STK17A: variants seen among roughly 807,000 people sequenced by gnomAD.
STK17A encodes the protein serine/threonine kinase 17a.
In STK17A, 26 loss-of-function variants were observed where a neutral mutation model predicts 43.7. The observed-to-expected ratio is 0.60, with a 90% CI of 0.44 to 0.83. The LOEUF is 0.83. Among genes scored for constraint, STK17A ranks in the 40% least tolerant of loss-of-function variants. The probability of loss-of-function intolerance (pLI) is 0.00; values close to 1 mark genes in which losing one functional copy is unlikely to be tolerated. For missense variants in STK17A, 476 were observed against 511.6 expected (o/e 0.93, Z 0.67); for synonymous variants, 191 against 182.5 (o/e 1.05, Z -0.38).
chr7:43,587,218 G>A (rs977966584), intron 1 of STK17A, among the ~76,000 whole-genome samples: 11 of 140,806 alleles, frequency 7.8e-5, no homozygotes, highest in Admixed American at 1.5e-4. Context: ...GCAGTGGCGC[G>A]ATCTCAGCTC....
intron 1 of STK17A, 137 bp downstream of exon 1, chr7:43,583,586 C>A: frequency 1.2e-6 from 1 of 805,830 alleles, no homozygotes; most frequent in Non-Finnish European, 1.7e-6. Context: ...TGACTTGGCA[C>A]AAACTTGGGT....
intron 1 of STK17A, among the ~76,000 whole-genome samples, chr7:43,587,505 A>G (rs936805530): frequency 2.6e-5 from 4 of 151,340 alleles, no homozygotes; most frequent in African/African-American, 9.7e-5. Context: ...GAGGATTTTT[A>G]TCAGAGAATA....
At chr7:43,587,380 A>G (rs2082451025) in intron 1 of STK17A, among the ~76,000 whole-genome samples, 1 of 151,238 alleles carries the variant, frequency 6.6e-6, no homozygotes, top group Admixed American at 6.6e-5. Context: ...CTACATTGGA[A>G]CAAACATGAC....
At chr7:43,600,607 T>C (rs139646391) in intron 2 of STK17A, among the ~76,000 whole-genome samples, 62 of 152,364 alleles carry the variant, frequency 4.1e-4, no homozygotes, top group African/African-American at 1.4e-3. Flanking sequence ...TTTCCACCTA[T>C]CAAACTGGCA....
chr7:43,602,748 AT>A (rs1175730871), intron 2 of STK17A, among the ~76,000 whole-genome samples: 1 of 152,140 alleles, frequency 6.6e-6, no homozygotes, highest in East Asian at 1.9e-4. Flanking sequence ...ATAACAATCT[AT>A]TTTTGTGGCT....
intron 2 of STK17A, 30 bp from the exon 3 acceptor site, chr7:43,608,226 A>AT: frequency 1.3e-6 from 2 of 1,595,842 alleles, no homozygotes; most frequent in Non-Finnish European, 1.7e-6. Context: ...CTTATGAGTT[A>AT]TATATTACTT....
At chr7:43,603,190 A>G (rs2082566725) in intron 2 of STK17A, among the ~76,000 whole-genome samples, 1 of 152,154 alleles carries the variant, frequency 6.6e-6, no homozygotes, top group Non-Finnish European at 1.5e-5. Flanking sequence ...TTGCTTAGAA[A>G]CGTTTGGTGG....
Position 43,595,915 on chromosome 7 carries a change from T to C in STK17A, c.221T>C (p.Val74Ala). Residue 74 changes from valine to alanine, a missense_variant, in exon 2 of 7, where the codon GTG (valine) becomes GCG (alanine). By Grantham distance (64) the Val-to-Ala change is moderately conservative. Transcript: ENST00000319357. ...GRELGRGKFA[V>A]VRKCIKKDSG... ...TTTAATTCTAGGGGGAAATTTGCAGTGGTGAGAAAATGTATAAAGAAAGAT... is the reference window on the plus strand; with the variant it reads ...TTTAATTCTAGGGGGAAATTTGCAGCGGTGAGAAAATGTATAAAGAAAGAT... 1.2e-6 allele frequency: 2 copies of C among 1,613,262 alleles called. No individual in the cohort carries two copies. The highest frequency in any genetic ancestry group is 1.7e-6 in the Non-Finnish European group (2 of 1,179,682).
At chr7:43,616,351 G>A (rs1056756776) in intron 3 of STK17A, among the ~76,000 whole-genome samples, 4 of 152,074 alleles carry the variant, frequency 2.6e-5, no homozygotes, top group African/African-American at 9.7e-5. Flanking sequence ...ACTACCACTA[G>A]TCCTAACACA....
At chr7:43,594,494 T>C (rs879896390) in intron 1 of STK17A, among the ~76,000 whole-genome samples, 1 of 152,130 alleles carries the variant, frequency 6.6e-6, no homozygotes, top group South Asian at 2.1e-4. Flanking sequence ...ATGTACCCAG[T>C]AGTGGAAAAG....
chr7:43,617,900 GAC>G (rs780631232), intron 3 of STK17A, among the ~76,000 whole-genome samples: 10 of 152,178 alleles, frequency 6.6e-5, no homozygotes, highest in Non-Finnish European at 1.3e-4. Flanking sequence ...AGAAAGCCAG[GAC>G]AGTGTTTTGT....
chr7:43,583,895 G>C (rs533076712), intron 1 of STK17A, among the ~76,000 whole-genome samples: 2 of 152,248 alleles, frequency 1.3e-5, no homozygotes, highest in African/African-American at 2.4e-5. Context: ...TACAGCATCC[G>C]TTGTGACCGC....
intron 2 of STK17A, among the ~76,000 whole-genome samples, chr7:43,607,981 C>T (rs1037961748): frequency 3.2e-4 from 49 of 152,098 alleles, no homozygotes; most frequent in African/African-American, 1.1e-3. Context: ...GTTGTTAAAT[C>T]CATACTAACA....
chr7:43,619,852 T>G (rs2083698936), intron 4 of STK17A, 129 bp downstream of exon 4: 10 of 1,223,720 alleles, frequency 8.2e-6, no homozygotes, highest in Non-Finnish European at 1.1e-5. Context: ...CAGAGATCTA[T>G]TCCTTTGGAT....
At chr7:43,620,088 T>C (rs558066053) in intron 4 of STK17A, among the ~76,000 whole-genome samples, 2 of 152,296 alleles carry the variant, frequency 1.3e-5, no homozygotes, top group East Asian at 3.9e-4. Flanking sequence ...GACAAAGGAA[T>C]TGCCAAGTCT....
Position 43,597,989 on chromosome 7 carries a change from A to G in STK17A, c.419+1876A>G, listed in dbSNP as rs115129012. On this transcript the variant is annotated intron_variant, in intron 2 of 6. Transcript: ENST00000319357. ...TTATTTAGGAAACATAAAAATAACT[A>G]TATACCATAAATTGTCCAATTATTA... Among the ~76,000 whole-genome samples, 335 of 152,282 alleles carry G rather than the reference A, an allele frequency of 2.2e-3. 2 individuals are homozygous for G. Among genetic ancestry groups the G allele is most frequent in the African/African-American group, 7.7e-3 (322 of 41,568 alleles).
At chr7:43,610,208 A>G (rs1487091330) in intron 3 of STK17A, among the ~76,000 whole-genome samples, 2 of 151,974 alleles carry the variant, frequency 1.3e-5, no homozygotes, top group East Asian at 1.9e-4. Context: ...TTAGCCAGGC[A>G]TGGTGGTGGG....
intron 2 of STK17A, among the ~76,000 whole-genome samples, chr7:43,601,812 C>A (rs1005224140): frequency 6.6e-6 from 1 of 152,144 alleles, no homozygotes; most frequent in Non-Finnish European, 1.5e-5. Context: ...GATCGTTTTT[C>A]ATCTACTTAG....
intron 1 of STK17A, among the ~76,000 whole-genome samples, chr7:43,590,802 T>C (rs1367878648): frequency 2.0e-5 from 3 of 151,432 alleles, no homozygotes; most frequent in African/African-American, 7.3e-5. Flanking sequence ...GAGGACTCAA[T>C]AACCTAAAGT....
Sources: allele counts gnomAD v4.1 joint callset (sites outside exome capture counted in the v4.1 genomes callset), GRCh38; gene constraint gnomAD v4.1.1; transcripts MANE v1.5; gene names NCBI Gene and HGNC (gene_info 2026-07-23, HGNC 2026-07-21).